Variants in ASH1L observed in about 807,000 individuals in gnomAD.
ASH1L encodes histone-lysine N-methyltransferase ASH1L.
A neutral mutation model predicts 269.0 loss-of-function variants in ASH1L; 23 were observed. That is an observed-to-expected ratio of 0.09 (90% CI 0.06 to 0.12). The LOEUF (loss-of-function observed/expected upper bound fraction) is 0.12. ASH1L is among the 10% of genes least tolerant of loss of function. ASH1L has a pLI of 1.00. For synonymous variants in ASH1L, 1,187 were observed against 1,253.5 expected (o/e 0.95, Z 1.12); for missense variants, 2,912 against 3,567.8 (o/e 0.82, Z 4.68).
intron 2 of ASH1L, among the ~76,000 whole-genome samples, chr1:155,485,503 G>C (rs1666280700): frequency 6.6e-6 from 1 of 151,994 alleles, no homozygotes; most frequent in African/African-American, 2.4e-5. Context: ...GTGGTAAATT[G>C]CCCTCAGTGA....
In ASH1L at chr1:155,370,549, C is replaced by G; in HGVS notation, c.6641G>C (p.Arg2214Pro). ...IDSYRMGNEA[R>P]FINHSCDPNC... ...TGGGTCACAGCTATGGTTGATGAATCGGGCCTCATTTCCCATGCGGTAACT... is the reference window on the plus strand; with the variant it reads ...TGGGTCACAGCTATGGTTGATGAATGGGGCCTCATTTCCCATGCGGTAACT... The change falls in exon 12 of 28, where the codon CGA becomes CCA. Residue 2214 changes from arginine to proline, a missense_variant. Arg to Pro is a moderately radical substitution (Grantham distance 103). Around this residue, in one of 13 missense-constraint regions of ASH1L, gnomAD observed 7 missense variants for 42.5 expected, o/e 0.16. Coordinates refer to ENST00000392403, the MANE Select transcript of ASH1L (RefSeq NM_018489.3). 6.2e-7 allele frequency: 1 copy of G among 1,614,098 alleles called. No homozygotes were observed. Among genetic ancestry groups the G allele is most frequent in the Non-Finnish European group, 8.5e-7 (1 of 1,180,040 alleles).
At chr1:155,347,979 G>A (rs1653510892) in intron 19 of ASH1L, 75 bp from the exon 20 acceptor site, 7 of 1,581,422 alleles carry the variant, frequency 4.4e-6, no homozygotes, top group Non-Finnish European at 5.2e-6. Flanking sequence ...GAGGTAGCAA[G>A]GTAGCATGAC....
intron 2 of ASH1L, among the ~76,000 whole-genome samples, chr1:155,509,193 A>G (rs1668002166): frequency 6.6e-6 from 1 of 152,174 alleles, no homozygotes; most frequent in Non-Finnish European, 1.5e-5. Flanking sequence ...AAACTGTATC[A>G]TGGTGGCCGG....
chr1:155,367,712 A>AT (rs1386796840), intron 12 of ASH1L, among the ~76,000 whole-genome samples: 6 of 152,038 alleles, frequency 3.9e-5, no homozygotes, highest in Admixed American at 3.3e-4. Context: ...ACAATATATG[A>AT]TTTTTTGTCT....
chr1:155,395,518 T>C lies in ASH1L; in HGVS notation c.6044A>G (p.Lys2015Arg). Residue 2015 changes from lysine (K) to arginine (R), a missense_variant, in exon 7 of 28, where the codon AAG (lysine) becomes AGG (arginine). Coordinates refer to ENST00000392403, the MANE Select transcript of ASH1L (RefSeq NM_018489.3). ...KSRLIQLKKE[K>R]LEYTPGEHEY... ...ATGCTCTCCTGGAGTATACTCCAGC[T>C]TCTCTTTCTTTAATTGGATCAATCG... The C allele has an allele frequency of 6.2e-7, 1 of 1,610,572 alleles. No individual in the cohort carries two copies. The highest frequency in any genetic ancestry group is 8.5e-7 in the Non-Finnish European group (1 of 1,178,934).
At chr1:155,439,909 A>G (rs975948211) in intron 4 of ASH1L, among the ~76,000 whole-genome samples, 4 of 151,094 alleles carry the variant, frequency 2.6e-5, no homozygotes, top group African/African-American at 9.7e-5. Context: ...CAAATTACCA[A>G]TAACTTTCTT....
chr1:155,531,949 A>G (rs999561900), intron 1 of ASH1L, among the ~76,000 whole-genome samples: 3 of 152,222 alleles, frequency 2.0e-5, no homozygotes, highest in Admixed American at 6.5e-5. Context: ...TTCATTGAGA[A>G]TATCATTCTT....
In ASH1L at chr1:155,481,604, T is replaced by C. The variant is rs746732050; in HGVS notation, c.1266A>G (p.Ile422Met). The part of the protein sequence containing the change: ...PLAGLISKDA[I>M]NLKAEALLPT... ...GGAGCAGTGCTTCGGCTTTAAGGTT[T>C]ATGGCATCTTTACTGATCAGACCTG... is the stretch of plus-strand genomic sequence containing the variant. Residue 422 changes from isoleucine (I) to methionine (M), a missense_variant, in exon 3 of 28, where the codon ATA becomes ATG. Ile to Met is a conservative substitution (Grantham distance 10, BLOSUM62 1). Coordinates refer to ENST00000392403, the MANE Select transcript of ASH1L (RefSeq NM_018489.3). 10 of 1,614,076 alleles carry C rather than the reference T, an allele frequency of 6.2e-6. No homozygotes were observed. The East Asian group carries it at 1.8e-4, about 29-fold the overall frequency.
chr1:155,352,142 A>G (rs1026959255), intron 17 of ASH1L, among the ~76,000 whole-genome samples: 3 of 152,062 alleles, frequency 2.0e-5, no homozygotes, highest in Non-Finnish European at 4.4e-5. Flanking sequence ...TACTTACTGC[A>G]GTTTCATGTT....
chr1:155,543,758 C>T (rs1428600852), intron 1 of ASH1L, among the ~76,000 whole-genome samples: 1 of 151,370 alleles, frequency 6.6e-6, no homozygotes, highest in Non-Finnish European at 1.5e-5. Flanking sequence ...ATAGTGAGAC[C>T]CCATCTCTAC....
At chr1:155,529,657 T>A (rs1366229172) in intron 1 of ASH1L, among the ~76,000 whole-genome samples, 1 of 152,154 alleles carries the variant, frequency 6.6e-6, no homozygotes, top group Non-Finnish European at 1.5e-5. Flanking sequence ...TCATATCTCT[T>A]CCAGTCTTCT....
At chr1:155,475,436 T>C (rs1362660317) in intron 3 of ASH1L, among the ~76,000 whole-genome samples, 1 of 152,086 alleles carries the variant, frequency 6.6e-6, no homozygotes, top group Non-Finnish European at 1.5e-5. Context: ...GCGCCTGGAC[T>C]TCACTGTGGC....
intron 5 of ASH1L, among the ~76,000 whole-genome samples, chr1:155,432,950 A>C (rs1260902334): frequency 6.6e-6 from 1 of 152,166 alleles, no homozygotes; most frequent in East Asian, 1.9e-4. Flanking sequence ...CATGTTACCC[A>C]GGCTGATGAA....
intron 3 of ASH1L, among the ~76,000 whole-genome samples, chr1:155,466,074 G>A (rs1030000300): frequency 6.6e-6 from 1 of 152,168 alleles, no homozygotes. Flanking sequence ...GTCTGTTTTG[G>A]CCGGGCGCTG....
chr1:155,422,332 G>C (rs1330048267), intron 5 of ASH1L, among the ~76,000 whole-genome samples: 1 of 144,116 alleles, frequency 6.9e-6, no homozygotes, highest in Non-Finnish European at 1.5e-5. Context: ...TTTTGAGATG[G>C]CATCTTGCTC....
intron 13 of ASH1L, among the ~76,000 whole-genome samples, chr1:155,359,557 G>A (rs1419381481): frequency 2.0e-5 from 3 of 151,978 alleles, no homozygotes; most frequent in Admixed American, 6.6e-5. Context: ...TTACAGGCGC[G>A]AGCCACCATG....
intron 10 of ASH1L, among the ~76,000 whole-genome samples, chr1:155,377,948 G>A (rs956649701): frequency 3.7e-4 from 56 of 151,980 alleles, no homozygotes; most frequent in Middle Eastern, 3.4e-3. Context: ...GTGTGAACCC[G>A]GGAGGCGGAG....
chr1:155,515,440 A>G (rs1668439315), intron 2 of ASH1L, among the ~76,000 whole-genome samples: 1 of 152,174 alleles, frequency 6.6e-6, no homozygotes, highest in Non-Finnish European at 1.5e-5. Context: ...ACAGGATTAA[A>G]CAAACTGATT....
At chr1:155,407,226 A>G (rs950616103) in intron 6 of ASH1L, among the ~76,000 whole-genome samples, 1 of 152,216 alleles carries the variant, frequency 6.6e-6, no homozygotes. Flanking sequence ...CCGTCTCAAA[A>G]AAAAAAGTAA....
Sources: allele counts gnomAD v4.1 joint callset (sites outside exome capture counted in the v4.1 genomes callset), GRCh38; gene constraint gnomAD v4.1.1; regional missense constraint gnomAD v4.1.1; transcripts MANE v1.5; gene names NCBI Gene and HGNC (gene_info 2026-07-23, HGNC 2026-07-21).